Variants in SHISA9 observed in about 807,000 individuals in gnomAD.
SHISA9 encodes the protein protein shisa-9.
In SHISA9, 13 loss-of-function variants were observed where a neutral mutation model predicts 38.0. The ratio of observed to expected loss-of-function variants is 0.34; its 90% CI spans 0.22 to 0.54. SHISA9 has a LOEUF of 0.54. SHISA9 is among the 20% of genes least tolerant of loss of function. SHISA9 has a pLI of 0.91. For missense variants in SHISA9, 538 were observed against 575.8 expected, an observed-to-expected ratio of 0.93 and a Z score of 0.67; for synonymous variants, 275 against 242.0, an observed-to-expected ratio of 1.14 and a Z score of -1.27.
the SHISA9 span, among the ~76,000 whole-genome samples, chr16:13,277,670 T>C: frequency 2.0e-5 from 3 of 151,828 alleles, no homozygotes; most frequent in Non-Finnish European, 4.4e-5. Flanking sequence ...TTTTTTTTTC[T>C]TTTTTTGCAG....
At chr16:13,054,332 G>C (rs549498874) in intron 2 of SHISA9, among the ~76,000 whole-genome samples, 1 of 152,280 alleles carries the variant, frequency 6.6e-6, no homozygotes, top group South Asian at 2.1e-4. Flanking sequence ...GGTCTGCTTG[G>C]CGTCTGGTGC....
At chr16:13,126,664 G>T (rs957100209) in intron 2 of SHISA9, among the ~76,000 whole-genome samples, 14 of 145,854 alleles carry the variant, frequency 9.6e-5, no homozygotes, top group Non-Finnish European at 3.0e-5. Flanking sequence ...AGAGACTGAG[G>T]AAGGGAGAGA....
chr16:13,491,164 T>A, the SHISA9 span, among the ~76,000 whole-genome samples: 8 of 152,148 alleles, frequency 5.3e-5, no homozygotes, highest in African/African-American at 1.9e-4. Context: ...AACGGTGAAG[T>A]CAGAATTTGA....
chr16:13,126,737 GTGAC>G (rs1394724220), intron 2 of SHISA9, among the ~76,000 whole-genome samples: 3 of 148,410 alleles, frequency 2.0e-5, no homozygotes, highest in African/African-American at 5.0e-5. Context: ...GAAAGAGAGA[GTGAC>G]TGAGGGAAGA....
chr16:13,222,159 C>T (rs547441011), intron 4 of SHISA9, among the ~76,000 whole-genome samples: 2 of 152,184 alleles, frequency 1.3e-5, no homozygotes, highest in African/African-American at 2.4e-5. Context: ...GAAAAACCCA[C>T]CCCCATGATT....
chr16:13,070,152 GTGCA>G (rs1455952307), intron 2 of SHISA9, among the ~76,000 whole-genome samples: 3 of 137,988 alleles, frequency 2.2e-5, no homozygotes, highest in African/African-American at 2.6e-5. Context: ...GTGTGTGTGT[GTGCA>G]CGCATGTGTC....
chr16:13,502,395 A>C, the SHISA9 span, among the ~76,000 whole-genome samples: 1 of 152,336 alleles, frequency 6.6e-6, no homozygotes, highest in African/African-American at 2.4e-5. Flanking sequence ...GCAGAGATAC[A>C]GCACTAGAAT....
chr16:13,021,351 A>G (rs183073218), intron 2 of SHISA9, among the ~76,000 whole-genome samples: 5 of 152,280 alleles, frequency 3.3e-5, no homozygotes, highest in Admixed American at 1.3e-4. Flanking sequence ...GTGAGAAACT[A>G]TCCAAACGGT....
At chr16:13,489,613 C>T in the SHISA9 span, among the ~76,000 whole-genome samples, 373 of 152,178 alleles carry the variant, frequency 2.5e-3, 2 homozygotes, top group African/African-American at 8.9e-3. Flanking sequence ...AAGTGGTTTC[C>T]CCTTTCACTT....
At chr16:13,364,423 C>G in the SHISA9 span, among the ~76,000 whole-genome samples, 3 of 152,224 alleles carry the variant, frequency 2.0e-5, no homozygotes. Context: ...TTTTTGCATT[C>G]AGCATTCACT....
At chr16:13,150,040 A>C (rs1305141686) in intron 2 of SHISA9, among the ~76,000 whole-genome samples, 1 of 149,090 alleles carries the variant, frequency 6.7e-6, no homozygotes, top group Non-Finnish European at 1.5e-5. Context: ...TAAAAAAAAA[A>C]AAAAAAAAAA....
the SHISA9 span, among the ~76,000 whole-genome samples, chr16:13,354,913 T>C: frequency 1.3e-4 from 19 of 151,892 alleles, no homozygotes; most frequent in Admixed American, 3.9e-4. Flanking sequence ...ATTGAAGTAA[T>C]GGGGGCTGTC....
At chr16:13,069,454 A>G (rs1457548127) in intron 2 of SHISA9, among the ~76,000 whole-genome samples, 1 of 145,886 alleles carries the variant, frequency 6.9e-6, no homozygotes, top group African/African-American at 2.7e-5. Context: ...GTGTACACAC[A>G]AAGTATGCAT....
At chr16:13,488,994 C>G in the SHISA9 span, among the ~76,000 whole-genome samples, 1 of 152,112 alleles carries the variant, frequency 6.6e-6, no homozygotes, top group African/African-American at 2.4e-5. Context: ...AGGATGGTCT[C>G]GGTCTCCTGA....
At chr16:13,354,423 C>T in the SHISA9 span, among the ~76,000 whole-genome samples, 1 of 150,346 alleles carries the variant, frequency 6.7e-6, no homozygotes, top group African/African-American at 2.5e-5. Flanking sequence ...TCATGGGGGT[C>T]AGGTGTGGTA....
chr16:13,054,948 C>G (rs151155941), intron 2 of SHISA9, among the ~76,000 whole-genome samples: 457 of 152,330 alleles, frequency 3.0e-3, no homozygotes, highest in Non-Finnish European at 5.1e-3. Flanking sequence ...CTTCAAATTT[C>G]TACTTATATG....
chr16:13,138,495 G>A (rs1340325238), intron 2 of SHISA9, among the ~76,000 whole-genome samples: 1 of 152,140 alleles, frequency 6.6e-6, no homozygotes, highest in Non-Finnish European at 1.5e-5. Context: ...CTATGACACT[G>A]CCTGGCATAT....
the SHISA9 span, among the ~76,000 whole-genome samples, chr16:13,446,699 G>A: frequency 1.2e-4 from 19 of 152,128 alleles, no homozygotes; most frequent in African/African-American, 3.9e-4. Flanking sequence ...GATCCATGCT[G>A]GGCGCGGTGG....
chr16:13,192,300 C>T lies in SHISA9; in HGVS notation c.692-11094C>T, dbSNP rs79765105. On this transcript the variant is annotated intron_variant, in intron 2 of 4. Transcript: ENST00000558583. ...ATGTTCACTATTTGGGTGATGGCTACACTAGGACCCCGACCCTGACCTTTA... is the reference window on the plus strand; with the variant it reads ...ATGTTCACTATTTGGGTGATGGCTATACTAGGACCCCGACCCTGACCTTTA... Among the ~76,000 whole-genome samples, 628 of 152,206 alleles carry T rather than the reference C, an allele frequency of 4.1e-3. 5 individuals are homozygous for T. The highest frequency in any genetic ancestry group is 0.014 in the African/African-American group (595 of 41,542).
Sources: allele counts gnomAD v4.1 joint callset (sites outside exome capture counted in the v4.1 genomes callset), GRCh38; gene constraint gnomAD v4.1.1; transcripts MANE v1.5; gene names NCBI Gene and HGNC (gene_info 2026-07-23, HGNC 2026-07-21).